The following OSBPL9 variants were observed in gnomAD, a reference collection of about 807,000 sequenced individuals.
OSBPL9 encodes the protein oxysterol binding protein like 9.
Under a neutral mutation model 106.6 loss-of-function variants are expected in OSBPL9, and 40 were observed. The ratio of observed to expected loss-of-function variants is 0.38; its 90% CI spans 0.29 to 0.49. The LOEUF is 0.49. Ranked by LOEUF, OSBPL9 falls within the 20% of genes least tolerant of loss-of-function variation. The pLI is 0.97. For synonymous variants in OSBPL9, 269 were observed against 295.4 expected, an observed-to-expected ratio of 0.91 and a Z score of 0.92; for missense variants, 609 against 887.2, an observed-to-expected ratio of 0.69 and a Z score of 3.98.
chr1:51,604,293 C>T (rs766669196), intron 2 of OSBPL9, among the ~76,000 whole-genome samples: 3 of 152,152 alleles, frequency 2.0e-5, no homozygotes, highest in African/African-American at 4.8e-5. Flanking sequence ...CGGTGGCTCA[C>T]GCCTGTAATC....
intron 7 of OSBPL9, among the ~76,000 whole-genome samples, chr1:51,749,877 T>TAA (rs1218791347): frequency 3.5e-4 from 46 of 131,516 alleles, no homozygotes; most frequent in African/African-American, 9.6e-4. Context: ...CCTTGTCTCT[T>TAA]AAAAAAAAAA....
intron 1 of OSBPL9, among the ~76,000 whole-genome samples, chr1:51,597,078 A>G (rs1645303751): frequency 6.6e-6 from 1 of 152,180 alleles, no homozygotes; most frequent in Admixed American, 6.5e-5. Flanking sequence ...AGAAGAGGCA[A>G]CAAGTGCAAA....
rs748052295 is a variant in OSBPL9 at position 51,787,398 on chromosome 1, T to A, written c.2046T>A (p.Asp682Glu). The change falls in exon 23 of 24, where the codon GAT becomes GAA. Residue 682 changes from aspartate to glutamate, a missense_variant. By Grantham distance (45) the Asp-to-Glu change is conservative. Transcript: ENST00000428468. ...TCAACTTAAAAATCAGAGACATTGA[T>A]GCAGCAACTGAAGCAAAGCACAGGC... ...VTFNLKIRDIDAATEAKHRLE... is the reference protein window; with the variant it reads ...VTFNLKIRDIEAATEAKHRLE... 6.8e-6 allele frequency: 11 copies of A among 1,614,046 alleles called. No homozygotes were observed. The highest frequency in any genetic ancestry group is 9.3e-6 in the Non-Finnish European group (11 of 1,179,934).
chr1:51,615,348 C>CA (rs1384756639), upstream of OSBPL9, among the ~76,000 whole-genome samples: 1 of 152,156 alleles, frequency 6.6e-6, no homozygotes, highest in Non-Finnish European at 1.5e-5. Flanking sequence ...CATCTGAACC[C>CA]ATACTCTCTG....
intron 3 of OSBPL9, among the ~76,000 whole-genome samples, chr1:51,702,774 T>C (rs1168552643): frequency 6.6e-6 from 1 of 152,258 alleles, no homozygotes; most frequent in African/African-American, 2.4e-5. Flanking sequence ...TTTATGGTTT[T>C]AGGTCTAACA....
rs909028315 is a variant in OSBPL9, at chr1:51,707,322, G to C, written c.242-6681G>C. 4 of 188,110 alleles carry C rather than the reference G, an allele frequency of 2.1e-5. No individual in the cohort carries two copies. The South Asian group carries it at 3.4e-4, about 16-fold the overall frequency. 11.7% of individuals were successfully genotyped at this position (188,110 alleles called of 1,614,324 possible). ...AGGAGACACCCGGGTGTTCAGTATA[G>C]CTCAGGATGCCCTTTAGGGGGCCCT... On this transcript the variant is annotated intron_variant, in intron 3 of 23. Coordinates refer to ENST00000428468, the MANE Select transcript of OSBPL9 (RefSeq NM_024586.6).
At chr1:51,669,343 T>C (rs760898680) in intron 2 of OSBPL9, 91 bp from the exon 3 acceptor site, 55 of 1,027,490 alleles carry the variant, frequency 5.4e-5, no homozygotes, top group Non-Finnish European at 7.4e-5. Flanking sequence ...TCCAGTGTCG[T>C]TGGTGCATTG....
intron 1 of OSBPL9, among the ~76,000 whole-genome samples, chr1:51,594,134 C>T (rs1304784457): frequency 2.6e-5 from 4 of 152,070 alleles, no homozygotes; most frequent in Admixed American, 6.6e-5. Context: ...CAGTGGCTCA[C>T]GCCTGTAACC....
chr1:51,756,341 C>T lies in OSBPL9; in HGVS notation c.565C>T (p.His189Tyr), dbSNP rs755249782. 6.2e-7 allele frequency: 1 copy of T among 1,613,094 alleles called. No individual in the cohort carries two copies. The highest frequency in any genetic ancestry group is 8.5e-7 in the Non-Finnish European group (1 of 1,179,362). ...IAKDQSNAEK[H>Y]ADGMISTINP... The stretch of plus-strand genomic sequence containing the variant: ...TAAGGACCAGAGTAATGCGGAGAAG[C>T]ACGCAGATGGAATGATAGTAAGTTT... The change falls in exon 9 of 24, where the codon CAC becomes TAC. Residue 189 changes from histidine to tyrosine, a missense_variant. Coordinates refer to ENST00000428468, the MANE Select transcript of OSBPL9 (RefSeq NM_024586.6).
intron 4 of OSBPL9, among the ~76,000 whole-genome samples, chr1:51,726,016 A>G (rs577785772): frequency 6.6e-6 from 1 of 152,220 alleles, no homozygotes; most frequent in Non-Finnish European, 1.5e-5. Flanking sequence ...TAACATAAAC[A>G]GTTGATTAAT....
chr1:51,689,542 T>C (rs925798512), intron 3 of OSBPL9, among the ~76,000 whole-genome samples: 1 of 152,228 alleles, frequency 6.6e-6, no homozygotes, highest in Admixed American at 6.5e-5. Context: ...TTCTTCTTTC[T>C]CTTTTCTTCC....
chr1:51,525,038 G>A, the OSBPL9 span, among the ~76,000 whole-genome samples: 3 of 152,328 alleles, frequency 2.0e-5, no homozygotes, highest in South Asian at 6.2e-4. Context: ...AAGCTGTCCT[G>A]TTTGCCAGAC....
At chr1:51,649,635 T>TCAGTTTTGCTTCCTTC (rs888853274) in intron 1 of OSBPL9, among the ~76,000 whole-genome samples, 25 of 152,086 alleles carry the variant, frequency 1.6e-4, no homozygotes, top group Non-Finnish European at 3.2e-4. Flanking sequence ...CCTGATCATT[T>TCAGTTTTGCTTCCTTC]CAGTTTTGCT....
intron 4 of OSBPL9, among the ~76,000 whole-genome samples, chr1:51,718,643 T>C (rs1400989332): frequency 6.6e-6 from 1 of 152,216 alleles, no homozygotes; most frequent in South Asian, 2.1e-4. Flanking sequence ...GCAAGATGGT[T>C]GTATCTATCA....
At chr1:51,764,133 C>T (rs1368061433) in intron 11 of OSBPL9, among the ~76,000 whole-genome samples, 1 of 152,092 alleles carries the variant, frequency 6.6e-6, no homozygotes, top group Non-Finnish European at 1.5e-5. Flanking sequence ...TCCCTTACTT[C>T]TCTTGTTAAT....
rs1557878994 is a variant in OSBPL9, at chr1:51,785,882, CAG to C, written c.1905_1906del (p.Glu637LysfsTer27). The C allele has an allele frequency of 1.9e-6, 3 of 1,610,016 alleles. No individual in the cohort carries two copies. On this transcript the variant is annotated frameshift_variant and splice_region_variant, in exon 21 of 24. Transcript: ENST00000428468. LOFTEE classifies it high-confidence loss of function. The stretch of plus-strand genomic sequence containing the variant: ...GGTGTGATGTATGCAAAATATGCAA[CAG>C]GGGTAAGATCCTCTATTTTGCCACT...
At chr1:51,534,203 CAAAAAA>C in the OSBPL9 span, among the ~76,000 whole-genome samples, 1 of 137,480 alleles carries the variant, frequency 7.3e-6, no homozygotes, top group Non-Finnish European at 1.6e-5. Flanking sequence ...GACTACATCT[CAAAAAA>C]AAAAAAATGC....
intron 3 of OSBPL9, among the ~76,000 whole-genome samples, chr1:51,681,327 A>G (rs1021415358): frequency 6.6e-6 from 1 of 152,182 alleles, no homozygotes; most frequent in African/African-American, 2.4e-5. Flanking sequence ...AAAGTCCTTA[A>G]TGACATTTTG....
intron 2 of OSBPL9, among the ~76,000 whole-genome samples, chr1:51,604,324 G>A (rs2148604489): frequency 6.6e-6 from 1 of 152,232 alleles, no homozygotes; most frequent in Admixed American, 6.5e-5. Context: ...GGGAGACCGA[G>A]GTGGGTGGAT....
Sources: allele counts gnomAD v4.1 joint callset (sites outside exome capture counted in the v4.1 genomes callset), GRCh38; gene constraint gnomAD v4.1.1; transcripts MANE v1.5; gene names NCBI Gene and HGNC (gene_info 2026-07-23, HGNC 2026-07-21).